The following DSG4 variants were observed in gnomAD, a reference collection of about 807,000 sequenced individuals.
The protein encoded by DSG4 is desmoglein-4.
In DSG4, 87 loss-of-function variants were observed where a neutral mutation model predicts 93.1. That is an observed-to-expected ratio of 0.93 (90% CI 0.79 to 1.12). The LOEUF is 1.12. DSG4 is among the 50% of genes most tolerant of loss of function. The probability of loss-of-function intolerance (pLI) is 0.00; values close to 1 mark genes in which losing one functional copy is unlikely to be tolerated. For synonymous variants in DSG4, 432 were observed against 452.9 expected (o/e 0.95, Z 0.59); for missense variants, 1,373 against 1,285.7 (o/e 1.07, Z -1.04).
rs1399172469 is a variant in DSG4 at position 31,388,498 on chromosome 18, C to G, written c.348C>G (p.Asp116Glu). ...TGEINITSVV[D>E]REITPLFLIY... The stretch of plus-strand genomic sequence containing the variant: ...AAATTAACATCACTTCAGTGGTAGA[C>G]AGAGAAATAACTCCACTTTTCTTGG... Residue 116 changes from aspartate to glutamate, a missense_variant, in exon 4 of 16, where the codon GAC becomes GAG. By Grantham distance (45) the Asp-to-Glu change is conservative. Transcript: ENST00000308128. 1 of 1,613,334 alleles carries G rather than the reference C, an allele frequency of 6.2e-7. No homozygotes were observed. Among genetic ancestry groups the G allele is most frequent in the African/African-American group, 1.3e-5 (1 of 74,884 alleles).
Position 31,395,321 on chromosome 18 carries a change from A to C in DSG4, c.1005+2981A>C, listed in dbSNP as rs185017378. Among the ~76,000 whole-genome samples the C allele has an allele frequency of 1.2e-4, 18 of 152,164 alleles. No individual in the cohort carries two copies. In the East Asian group the frequency reaches 3.1e-3, roughly 26 times the overall value. ...TATCAATTTCATGAAAAATTTGTCA[A>C]GGTAATTTGGATGCTGTATATACAA... On this transcript the variant is annotated intron_variant, in intron 8 of 15. Transcript: ENST00000308128.
chr18:31,378,503 A>G (rs2072101149), intron 1 of DSG4, among the ~76,000 whole-genome samples: 1 of 152,198 alleles, frequency 6.6e-6, no homozygotes, highest in Non-Finnish European at 1.5e-5. Flanking sequence ...TATTTAATTG[A>G]AGAGTTGATT....
intron 12 of DSG4, among the ~76,000 whole-genome samples, chr18:31,406,787 C>CT (rs796629912): frequency 2.3e-4 from 35 of 149,626 alleles, no homozygotes; most frequent in Non-Finnish European, 4.3e-4. Flanking sequence ...TTTTCTTTTT[C>CT]TTTTTTTTGA....
intron 11 of DSG4, 125 bp downstream of exon 11, chr18:31,403,759 TTA>T (rs1310715106): frequency 7.8e-5 from 68 of 869,474 alleles, no homozygotes; most frequent in Non-Finnish European, 1.1e-4. Flanking sequence ...CATATTAACA[TTA>T]AATGAAAAAA....
At chr18:31,382,309 G>A (rs999190333) in intron 1 of DSG4, 7 of 152,206 alleles carry the variant, frequency 4.6e-5, no homozygotes, top group African/African-American at 1.7e-4. Flanking sequence ...CTGAAAATGT[G>A]ACTTTTGGGC....
rs576994924 is a variant in DSG4, at chr18:31,391,269, A to G, written c.819+57A>G. The G allele has an allele frequency of 2.3e-5, 37 of 1,607,394 alleles. No homozygotes were observed. The East Asian group carries it at 8.0e-4, about 35-fold the overall frequency. On this transcript the variant is annotated intron_variant, in intron 7 of 15. Transcript: ENST00000308128. ...TAAGTGTCAATAATCAATTTGCATAAGTGTCAATAATCAATCATGCTGGCT... is the reference window on the plus strand; with the variant it reads ...TAAGTGTCAATAATCAATTTGCATAGGTGTCAATAATCAATCATGCTGGCT...
chr18:31,403,611 T>C lies in DSG4; in HGVS notation c.1613T>C (p.Met538Thr), dbSNP rs1326233998. The C allele has an allele frequency of 1.9e-6, 3 of 1,614,072 alleles. No individual in the cohort carries two copies. The highest frequency in any genetic ancestry group is 1.7e-5 in the Admixed American group (1 of 60,006). Residue 538 changes from methionine to threonine, a missense_variant, in exon 11 of 16, where the codon ATG (methionine) becomes ACG (threonine). Met to Thr is a moderately conservative substitution (Grantham distance 81). Transcript: ENST00000308128. ...GATGAGCCACCAGGAATAGCTGACA[T>C]GTGGGATGTCAGATCAACAAATGGT... The part of the protein sequence containing the change: ...VVDEPPGIAD[M>T]WDVRSTNATS...
Position 31,413,294 on chromosome 18 carries a change from C to T in DSG4, c.2822C>T (p.Ala941Val), listed in dbSNP as rs780049878. The change falls in exon 16 of 16, where the codon GCA (alanine) becomes GTA (valine). Residue 941 changes from alanine to valine, a missense_variant. Coordinates refer to ENST00000308128, the MANE Select transcript of DSG4 (RefSeq NM_177986.5). Reference protein sequence around the residue: ...PNVVVTEAVMAPVYDIQGNIC... With the variant: ...PNVVVTEAVMVPVYDIQGNIC... ...GTTGTAGTAACCGAAGCAGTAATGG[C>T]ACCTGTCTATGATATTCAAGGGAAT... The T allele has an allele frequency of 9.9e-6, 16 of 1,614,116 alleles. No homozygotes were observed. In the East Asian group the frequency reaches 3.1e-4, roughly 31 times the overall value.
chr18:31,409,506 T>A lies in DSG4; in HGVS notation c.1988T>A (p.Leu663Gln). The A allele has an allele frequency of 6.2e-7, 1 of 1,614,194 alleles. No homozygotes were observed. Among genetic ancestry groups the A allele is most frequent in the Non-Finnish European group, 8.5e-7 (1 of 1,180,044 alleles). The stretch of plus-strand genomic sequence containing the variant: ...TGCAAACAGAGACAGCCAGAAGGCC[T>A]GGGAACAAGATTTGCTCCTGTGCCT... ...CCCKQRQPEG[L>Q]GTRFAPVPEG... is the part of the protein sequence containing the mutation. Residue 663 changes from leucine to glutamine, a missense_variant, in exon 13 of 16, where the codon CTG (leucine) becomes CAG (glutamine). Coordinates refer to ENST00000308128, the MANE Select transcript of DSG4 (RefSeq NM_177986.5).
Position 31,399,512 on chromosome 18 carries a change from T to G in DSG4, c.1246T>G (p.Leu416Val), listed in dbSNP as rs764083246. 1 of 1,614,024 alleles carries G rather than the reference T, an allele frequency of 6.2e-7. No individual in the cohort carries two copies. Among genetic ancestry groups the G allele is most frequent in the South Asian group, 1.1e-5 (1 of 91,082 alleles). The change falls in exon 9 of 16, where the codon TTG becomes GTG. Residue 416 changes from leucine to valine, a missense_variant. Transcript: ENST00000308128. Reference protein sequence around the residue: ...YVLGTYTAIDLDTGNPATDVR... With the variant: ...YVLGTYTAIDVDTGNPATDVR... ...GCTTGGCACATATACAGCCATAGAT[T>G]TGGACACAGGAAACCCTGCAACAGA... is the stretch of plus-strand genomic sequence containing the variant.
chr18:31,389,078 C>T (rs1264368763), intron 5 of DSG4, 60 bp downstream of exon 5: 2 of 1,579,936 alleles, frequency 1.3e-6, no homozygotes, highest in Non-Finnish European at 1.7e-6. Context: ...TGGTCAAAAG[C>T]TTTAGAGGAC....
chr18:31,394,812 G>GA (rs1331776619), intron 8 of DSG4, among the ~76,000 whole-genome samples: 3 of 152,078 alleles, frequency 2.0e-5, no homozygotes, highest in Admixed American at 2.0e-4. Flanking sequence ...CCAGGGATCA[G>GA]AATTTGTTAA....
At chr18:31,379,099 G>A (rs575877911) in intron 1 of DSG4, among the ~76,000 whole-genome samples, 12 of 152,260 alleles carry the variant, frequency 7.9e-5, no homozygotes, top group South Asian at 6.2e-4. Flanking sequence ...ATTTTATCAC[G>A]AGTCATTTGG....
rs749155221 is a variant in DSG4, at chr18:31,390,766, A to T, written c.628A>T (p.Ile210Phe). The T allele has an allele frequency of 3.7e-5, 59 of 1,613,684 alleles. No homozygotes were observed. Among genetic ancestry groups the T allele is most frequent in the Admixed American group, 5.0e-5 (3 of 59,962 alleles). The change falls in exon 6 of 16, where the codon ATT (isoleucine) becomes TTT (phenylalanine). Residue 210 changes from isoleucine (I) to phenylalanine (F), a missense_variant. By Grantham distance (21) the Ile-to-Phe change is conservative. Transcript: ENST00000308128. ...GGAGCCATCAGGTGCACCCATGTTC[A>T]TTCTGAATAGGTACACTGGAGAAGT... ...SQEPSGAPMF[I>F]LNRYTGEVCT...
intron 1 of DSG4, among the ~76,000 whole-genome samples, chr18:31,383,983 G>A (rs9304093): frequency 0.72 from 108,669 of 151,940 alleles, 39,537 homozygotes; most frequent in East Asian, 0.9. Context: ...TTGCCTTATA[G>A]ATTTAGGTCA....
chr18:31,411,850 A>C (rs959254730), intron 15 of DSG4, among the ~76,000 whole-genome samples: 2 of 152,270 alleles, frequency 1.3e-5, no homozygotes, highest in Admixed American at 1.3e-4. Context: ...CCTCCAACAG[A>C]AAAGAGAAAA....
At chr18:31,384,335 G>T (rs1311166166) in intron 1 of DSG4, among the ~76,000 whole-genome samples, 2 of 148,432 alleles carry the variant, frequency 1.3e-5, no homozygotes, top group Non-Finnish European at 3.0e-5. Context: ...AGAGAAAAAT[G>T]TTTGTTTACA....
intron 14 of DSG4, chr18:31,410,980 C>A: frequency 9.1e-7 from 1 of 1,093,980 alleles, no homozygotes. Flanking sequence ...ACCTTTAAGT[C>A]TAGGGCGAAG....
In DSG4 at chr18:31,386,219, A is replaced by G. The variant is rs549532658; in HGVS notation, c.85-469A>G. Among the ~76,000 whole-genome samples, 3 of 152,246 alleles carry G rather than the reference A, an allele frequency of 2.0e-5. No homozygotes were observed. In the South Asian group the frequency reaches 6.2e-4, roughly 32 times the overall value. ...TGGTGTCCTTATCAACAGAAGAGAA[A>G]AATGCTCTTCTCTCTTTTAGGTGAG... On this transcript the variant is annotated intron_variant, in intron 2 of 15. Transcript: ENST00000308128.
Sources: gnomAD v4.1 joint callset for allele counts (sites outside exome capture counted in the v4.1 genomes callset) on GRCh38, gnomAD v4.1.1 for gene constraint, MANE v1.5 for transcripts, NCBI Gene and HGNC (gene_info 2026-07-23, HGNC 2026-07-21) for gene names.